The following ACAD10 variants were observed in gnomAD, a reference collection of about 807,000 sequenced individuals.
The protein encoded by ACAD10 is acyl-CoA dehydrogenase family member 10.
A neutral mutation model predicts 116.8 loss-of-function variants in ACAD10; 112 were observed. The ratio of observed to expected loss-of-function variants is 0.96; its 90% CI spans 0.82 to 1.12. ACAD10 has a LOEUF of 1.12. Ranked by LOEUF, ACAD10 falls within the 50% of genes most tolerant of loss-of-function variation. The pLI is 0.00. For synonymous variants in ACAD10, 486 were observed against 510.6 expected, an observed-to-expected ratio of 0.95 and a Z score of 0.65; for missense variants, 1,259 against 1,350.2, an observed-to-expected ratio of 0.93 and a Z score of 1.06.
At chr12:111,712,187 A>C (rs1442918763) in intron 5 of ACAD10, among the ~76,000 whole-genome samples, 1 of 152,158 alleles carries the variant, frequency 6.6e-6, no homozygotes, top group Non-Finnish European at 1.5e-5. Flanking sequence ...TTGTGGCAAA[A>C]CTGCTGGTGA....
chr12:111,703,972 A>G (rs1212900224), intron 3 of ACAD10, among the ~76,000 whole-genome samples: 1 of 151,410 alleles, frequency 6.6e-6, no homozygotes, highest in African/African-American at 2.4e-5. Context: ...ACATTATGCA[A>G]AGTGAAAGAA....
chr12:111,723,506 C>T (rs1325699302), intron 8 of ACAD10, among the ~76,000 whole-genome samples: 8 of 142,016 alleles, frequency 5.6e-5, no homozygotes, highest in East Asian at 2.2e-4. Flanking sequence ...GGCGGCTGGC[C>T]GGGCAGAGGG....
intron 9 of ACAD10, among the ~76,000 whole-genome samples, chr12:111,728,837 G>A (rs1462819463): frequency 1.3e-5 from 2 of 151,886 alleles, no homozygotes; most frequent in African/African-American, 4.8e-5. Flanking sequence ...CTACAGGTAC[G>A]CACCACCATG....
intron 3 of ACAD10, among the ~76,000 whole-genome samples, chr12:111,703,908 TA>T (rs1368419508): frequency 1.3e-4 from 18 of 142,304 alleles, no homozygotes; most frequent in African/African-American, 5.0e-4. Context: ...CCACAATTTA[TA>T]TATATATATA....
chr12:111,690,935 A>G (rs888245201), intron 1 of ACAD10: 4 of 152,024 alleles, frequency 2.6e-5, no homozygotes, highest in Non-Finnish European at 5.9e-5. Flanking sequence ...CCTGTTTTGC[A>G]CTCTCCTGAT....
Position 111,745,433 on chromosome 12 carries a change from A to G in ACAD10, c.2115+390A>G, listed in dbSNP as rs79575494. 488 of 286,052 alleles carry G rather than the reference A, an allele frequency of 1.7e-3. 2 individuals carry two copies. The highest frequency in any genetic ancestry group is 9.5e-3 in the African/African-American group (440 of 46,104). The allele number at this position is 286,052 out of a possible 1,614,324, so 17.7% of individuals were successfully genotyped here. A position where few individuals can be genotyped will look rare whatever the true frequency, so the allele number is the denominator to read the frequency against. Reference sequence around the variant, plus strand: ...AGAGGGCCAGATCCACTGTGAGCTGAGTTTCTGTGTTGTCTCCCAGTGCTG... The same window carrying G: ...AGAGGGCCAGATCCACTGTGAGCTGGGTTTCTGTGTTGTCTCCCAGTGCTG... On this transcript the variant is annotated intron_variant, in intron 13 of 20. Coordinates refer to ENST00000313698, the MANE Select transcript of ACAD10 (RefSeq NM_025247.6).
At position 111,747,321 on chromosome 12, in the gene ACAD10, T is replaced by C; in HGVS notation, c.2421T>C (p.Ile807=). The C allele has an allele frequency of 6.2e-7, 1 of 1,614,108 alleles. No individual in the cohort carries two copies. The highest frequency in any genetic ancestry group is 8.5e-7 in the Non-Finnish European group (1 of 1,180,006). ...TTGCCTCTTCAGATGCCACCAACAT[T>C]GAGGCTTCCATCAGAGAGGAGGACA... ...PQVASSDATN[I]EASIREEDSF... The change falls in exon 16 of 21, where the codon ATT becomes ATC. Residue 807 remains isoleucine (I), a synonymous_variant. Transcript: ENST00000313698.
intron 4 of ACAD10, among the ~76,000 whole-genome samples, chr12:111,707,789 G>A (rs190392962): frequency 7.8e-4 from 119 of 152,212 alleles, no homozygotes; most frequent in Middle Eastern, 3.4e-3. Context: ...TGTACCCTTC[G>A]TTGGGCCAGT....
At chr12:111,733,698 A>G in intron 10 of ACAD10, 1 of 570,814 alleles carries the variant, frequency 1.8e-6, no homozygotes, top group South Asian at 2.3e-5. Context: ...TGGGGAAATA[A>G]ATAACCAGGC....
At chr12:111,716,215 C>A (rs566305251) in intron 7 of ACAD10, among the ~76,000 whole-genome samples, 2 of 151,966 alleles carry the variant, frequency 1.3e-5, no homozygotes, top group Non-Finnish European at 2.9e-5. Context: ...CCATCCCCCC[C>A]CAAAAAAAAG....
In ACAD10 at chr12:111,735,739, G is replaced by A. The variant is rs188542630; in HGVS notation, c.1541-1092G>A. On this transcript the variant is annotated intron_variant, in intron 11 of 20. Coordinates refer to ENST00000313698, the MANE Select transcript of ACAD10 (RefSeq NM_025247.6). ...CAAAGTGCTAGGATTACAGGCGTGA[G>A]CCACTGCGCCTGGCCCGTGAAATTA... is the stretch of plus-strand genomic sequence containing the variant. 6.0e-3 allele frequency among the ~76,000 whole-genome samples: 910 copies of A among 152,262 alleles called. 11 individuals are homozygous for A. Among genetic ancestry groups the A allele is most frequent in the African/African-American group, 0.02 (844 of 41,532 alleles).
In ACAD10 at chr12:111,712,605, G is replaced by T; in HGVS notation, c.798G>T (p.Pro266=). ...CTGTGAAAAAGACGATGGAAATTCC[G>T]AAAGATTCCTTGCAGAAGTACCTCA... is the stretch of plus-strand genomic sequence containing the variant. ...TRPVKKTMEI[P]KDSLQKYLKD... is the part of the protein sequence containing the mutation. The change falls in exon 6 of 21, where the codon CCG becomes CCT. Residue 266 remains proline, a synonymous_variant. Coordinates refer to ENST00000313698, the MANE Select transcript of ACAD10 (RefSeq NM_025247.6). 6.2e-7 allele frequency: 1 copy of T among 1,614,122 alleles called. No individual in the cohort carries two copies. The highest frequency in any genetic ancestry group is 8.5e-7 in the Non-Finnish European group (1 of 1,180,020).
chr12:111,719,065 GA>G (rs1323770473), intron 7 of ACAD10, among the ~76,000 whole-genome samples: 1 of 151,938 alleles, frequency 6.6e-6, no homozygotes, highest in East Asian at 2.0e-4. Context: ...AGATTGCAGT[GA>G]GCCAAGATTG....
chr12:111,703,807 G>A (rs1488517924), intron 3 of ACAD10, among the ~76,000 whole-genome samples: 1 of 151,818 alleles, frequency 6.6e-6, no homozygotes, highest in Non-Finnish European at 1.5e-5. Flanking sequence ...TCACACCACT[G>A]CACTCCAGCC....
At chr12:111,753,272 A>G in intron 18 of ACAD10, 1 of 315,414 alleles carries the variant, frequency 3.2e-6, no homozygotes, top group Middle Eastern at 1.1e-3. Context: ...AAGGCCACCC[A>G]CGGCGGAAGG....
Position 111,712,539 on chromosome 12 carries a change from C to T in ACAD10, c.732C>T (p.Leu244=). ...CTGCAGTAAAGGAATTAGAAGCTCT[C>T]TTGGGTTTTACATTGAGAGTAGGTG... ...PETAVKELEA[L]LGFTLRVGVP... Residue 244 remains leucine, a synonymous_variant, in exon 6 of 21, where the codon CTC becomes CTT. Transcript: ENST00000313698. 1 of 1,614,136 alleles carries T rather than the reference C, an allele frequency of 6.2e-7. No homozygotes were observed. The highest frequency in any genetic ancestry group is 8.5e-7 in the Non-Finnish European group (1 of 1,179,998).
intron 8 of ACAD10, among the ~76,000 whole-genome samples, 163 bp from the exon 9 acceptor site, chr12:111,727,799 T>C (rs1384125262): frequency 1.3e-5 from 2 of 152,114 alleles, no homozygotes; most frequent in Admixed American, 6.6e-5. Context: ...TAATGCACTG[T>C]GCTTATGTGA....
At chr12:111,693,873 A>G (rs1375645407) in intron 2 of ACAD10, among the ~76,000 whole-genome samples, 1 of 152,190 alleles carries the variant, frequency 6.6e-6, no homozygotes, top group Non-Finnish European at 1.5e-5. Flanking sequence ...AAGCCCAGGT[A>G]TGTGGTCTGG....
chr12:111,686,178 T>C lies in ACAD10; in HGVS notation c.-75T>C, dbSNP rs1264373317. Reference sequence around the variant, plus strand: ...GCACAGTCGCGAGTTAACCTCTGCTTGCTCCAGAGGCCTCGTCCTAATCCA... The same window carrying C: ...GCACAGTCGCGAGTTAACCTCTGCTCGCTCCAGAGGCCTCGTCCTAATCCA... On this transcript the variant is annotated 5_prime_UTR_variant, in exon 1 of 21. Transcript: ENST00000313698. 1 of 155,178 alleles carries C rather than the reference T, an allele frequency of 6.4e-6. No individual in the cohort carries two copies. Among genetic ancestry groups the C allele is most frequent in the Admixed American group, 6.5e-5 (1 of 15,346 alleles). The allele number at this position is 155,178 out of a possible 1,614,324, so 9.6% of individuals were successfully genotyped here.
Sources: allele counts gnomAD v4.1 joint callset (sites outside exome capture counted in the v4.1 genomes callset), GRCh38; gene constraint gnomAD v4.1.1; transcripts MANE v1.5; gene names NCBI Gene and HGNC (gene_info 2026-07-23, HGNC 2026-07-21).